The following TNNI3K variants were observed in gnomAD, a reference collection of about 807,000 sequenced individuals.
TNNI3K encodes serine/threonine-protein kinase TNNI3K.
In TNNI3K, 140 loss-of-function variants were observed where a neutral mutation model predicts 114.5. The ratio of observed to expected loss-of-function variants is 1.22; its 90% confidence interval spans 1.07 to 1.41. The LOEUF (loss-of-function observed/expected upper bound fraction) is 1.41, where lower values mean the gene tolerates loss of function less well. Ranked by LOEUF, TNNI3K falls within the 40% of genes most tolerant of loss-of-function variation. The pLI is 0.00. For missense variants in TNNI3K, 1,125 were observed against 1,007.6 expected (o/e 1.12, Z -1.58); for synonymous variants, 347 against 347.5 (o/e 1.00, Z 0.02).
At chr1:74,527,410 G>A (rs1215163185) in intron 23 of TNNI3K, among the ~76,000 whole-genome samples, 1 of 152,182 alleles carries the variant, frequency 6.6e-6, no homozygotes, top group Non-Finnish European at 1.5e-5. Context: ...GTAGAAAATA[G>A]GAAACACAAG....
chr1:74,502,750 C>A (rs1669699971), intron 23 of TNNI3K, among the ~76,000 whole-genome samples: 1 of 152,188 alleles, frequency 6.6e-6, no homozygotes, highest in South Asian at 2.1e-4. Flanking sequence ...GCTTATGCCT[C>A]CTGAAGAAAC....
At chr1:74,528,323 T>C (rs115438792) in intron 23 of TNNI3K, among the ~76,000 whole-genome samples, 77 of 152,160 alleles carry the variant, frequency 5.1e-4, no homozygotes, top group African/African-American at 1.7e-3. Flanking sequence ...AGGGACATAG[T>C]ACAGTGCTGA....
chr1:74,303,356 G>T (rs1373351713), intron 5 of TNNI3K, among the ~76,000 whole-genome samples: 1 of 151,942 alleles, frequency 6.6e-6, no homozygotes, highest in Non-Finnish European at 1.5e-5. Context: ...GTAGAGACAG[G>T]GTTTCGCTAT....
intron 13 of TNNI3K, 63 bp from the exon 14 acceptor site, chr1:74,368,959 T>G: frequency 7.5e-7 from 1 of 1,328,582 alleles, no homozygotes; most frequent in East Asian, 2.4e-5. Flanking sequence ...TATATGCACA[T>G]GTATACACAT....
At chr1:74,312,883 C>G (rs925894030) in intron 5 of TNNI3K, among the ~76,000 whole-genome samples, 1 of 152,100 alleles carries the variant, frequency 6.6e-6, no homozygotes, top group Non-Finnish European at 1.5e-5. Context: ...CTATTATTGC[C>G]CCTGTTATCT....
chr1:74,242,133 G>GCCA (rs1247225163), intron 2 of TNNI3K, among the ~76,000 whole-genome samples: 1 of 152,066 alleles, frequency 6.6e-6, no homozygotes, highest in African/African-American at 2.4e-5. Context: ...ACAAGCATGA[G>GCCA]CCACCGCGCC....
rs1412963987 is a variant in TNNI3K at position 74,395,100 on chromosome 1, ATCC to A, written c.1772+24709_1772+24711del. 2.0e-5 allele frequency among the ~76,000 whole-genome samples: 3 copies of A among 152,030 alleles called. No individual in the cohort carries two copies. The East Asian group carries it at 5.8e-4, about 29-fold the overall frequency. On this transcript the variant is annotated intron_variant, in intron 17 of 24. Coordinates refer to ENST00000326637, the MANE Select transcript of TNNI3K (RefSeq NM_015978.3). ...CCCTACACAACAACTGATAGGTGAC[ATCC>A]GGGAAGACTGTGACCCCCATAGTAC...
In TNNI3K at chr1:74,263,419, G is replaced by A. The variant is rs76793654; in HGVS notation, c.334-8179G>A. On this transcript the variant is annotated intron_variant, in intron 4 of 24. Coordinates refer to ENST00000326637, the MANE Select transcript of TNNI3K (RefSeq NM_015978.3). ...TCTTATTCTGAGTGCTTAGAACAAC[G>A]CTTGATATATATACTTAATAAATTG... 3.4e-3 allele frequency among the ~76,000 whole-genome samples: 518 copies of A among 152,016 alleles called. 2 individuals carry two copies. Among genetic ancestry groups the A allele is most frequent in the Non-Finnish European group, 5.3e-3 (361 of 67,896 alleles).
At chr1:74,501,137 C>A (rs1470308394) in intron 23 of TNNI3K, among the ~76,000 whole-genome samples, 1 of 152,050 alleles carries the variant, frequency 6.6e-6, no homozygotes, top group Non-Finnish European at 1.5e-5. Flanking sequence ...TTCCACATTT[C>A]TCAATCTCTT....
chr1:74,439,523 C>G lies in TNNI3K; in HGVS notation c.1912C>G (p.Gln638Glu), dbSNP rs1666282998. The G allele has an allele frequency of 6.2e-7, 1 of 1,613,414 alleles. No individual in the cohort carries two copies. Among genetic ancestry groups the G allele is most frequent in the Non-Finnish European group, 8.5e-7 (1 of 1,179,612 alleles). The change falls in exon 20 of 25, where the codon CAG becomes GAG. Residue 638 changes from glutamine to glutamate, a missense_variant. Transcript: ENST00000326637. The part of the protein sequence containing the change: ...LRWMAPEVFT[Q>E]CTRYTIKADV... Reference sequence around the variant, plus strand: ...TTGGATGGCTCCTGAGGTGTTCACGCAGTGCACTCGGTACACCATCAAAGC... The same window carrying G: ...TTGGATGGCTCCTGAGGTGTTCACGGAGTGCACTCGGTACACCATCAAAGC...
At chr1:74,503,278 T>C (rs1669728397) in intron 23 of TNNI3K, among the ~76,000 whole-genome samples, 1 of 152,218 alleles carries the variant, frequency 6.6e-6, no homozygotes, top group African/African-American at 2.4e-5. Context: ...TAGCTAATTC[T>C]ACTTAGAAAT....
chr1:74,311,608 C>G (rs11808261), intron 5 of TNNI3K, among the ~76,000 whole-genome samples: 6,729 of 152,166 alleles, frequency 0.044, 192 homozygotes, highest in Non-Finnish European at 0.054. Flanking sequence ...ATGAAGGTAT[C>G]AAGAACAGTA....
In TNNI3K at chr1:74,463,513, C is replaced by T; in HGVS notation, c.2084C>T (p.Ser695Leu). The change falls in exon 21 of 25, where the codon TCA becomes TTA. Residue 695 changes from serine to leucine, a missense_variant. Physicochemically the swap from Ser to Leu is moderately radical, Grantham distance 145 (BLOSUM62 -2). Transcript: ENST00000326637. ...PIGYSIPKPI[S>L]SLLIRGWNAC... ...GGCTATTCCATTCCCAAGCCCATAT[C>T]ATCTCTGCTGATACGAGGGTGGAAC... 1 of 1,614,220 alleles carries T rather than the reference C, an allele frequency of 6.2e-7. No individual in the cohort carries two copies. Among genetic ancestry groups the T allele is most frequent in the Non-Finnish European group, 8.5e-7 (1 of 1,180,044 alleles).
chr1:74,243,193 T>G (rs982451300), intron 2 of TNNI3K, among the ~76,000 whole-genome samples: 1 of 152,212 alleles, frequency 6.6e-6, no homozygotes, highest in African/African-American at 2.4e-5. Flanking sequence ...GTTTATTGTA[T>G]GAATGGCTGA....
rs1354030276 is a variant in TNNI3K at position 74,483,289 on chromosome 1, G to A, written c.2122-5900G>A. 4.2e-6 allele frequency: 3 copies of A among 717,360 alleles called. No individual in the cohort carries two copies. In the East Asian group the frequency reaches 8.0e-5, roughly 19 times the overall value. The allele number at this position is 717,360 out of a possible 1,614,324, so 44.4% of individuals were successfully genotyped here. A position where few individuals can be genotyped will look rare whatever the true frequency, so the allele number is the denominator to read the frequency against. On this transcript the variant is annotated intron_variant, in intron 21 of 24. Transcript: ENST00000326637. ...ACTATATAGGTTAGCTGGTGACAGA[G>A]GGTTACATCTTTGGTGCACACCACA...
At chr1:74,300,027 A>G (rs1658224250) in intron 5 of TNNI3K, among the ~76,000 whole-genome samples, 1 of 152,146 alleles carries the variant, frequency 6.6e-6, no homozygotes. Flanking sequence ...ATAACTTAGA[A>G]TCCTATATAT....
chr1:74,273,000 G>T lies in TNNI3K; in HGVS notation c.444+1292G>T, dbSNP rs1656445971. On this transcript the variant is annotated intron_variant, in intron 5 of 24. Coordinates refer to ENST00000326637, the MANE Select transcript of TNNI3K (RefSeq NM_015978.3). ...GACATCCTTATTATTAAATAGTTAT[G>T]TTCCCCCTTTTAGTCATGTTGCAAT... Among the ~76,000 whole-genome samples the T allele has an allele frequency of 2.0e-5, 3 of 151,956 alleles. No individual in the cohort carries two copies. The East Asian group carries it at 5.8e-4, about 30-fold the overall frequency.
intron 5 of TNNI3K, among the ~76,000 whole-genome samples, chr1:74,329,882 A>G (rs1660107420): frequency 6.6e-6 from 1 of 152,034 alleles, no homozygotes. Flanking sequence ...TTAAGCGGCA[A>G]TTTGTTCATA....
chr1:74,258,171 A>T (rs192449679), intron 4 of TNNI3K, among the ~76,000 whole-genome samples: 1 of 152,160 alleles, frequency 6.6e-6, no homozygotes, highest in Non-Finnish European at 1.5e-5. Flanking sequence ...GCAATAAATC[A>T]GGTGATCTTT....
Sources: gnomAD v4.1 joint callset for allele counts (sites outside exome capture counted in the v4.1 genomes callset) on GRCh38, gnomAD v4.1.1 for gene constraint, MANE v1.5 for transcripts, NCBI Gene and HGNC (gene_info 2026-07-23, HGNC 2026-07-21) for gene names.